DIAPH2: variants seen among roughly 807,000 people sequenced by gnomAD.
DIAPH2 encodes the protein diaphanous related formin 2.
DIAPH2 carries 35 observed loss-of-function variants against 92.7 expected under a neutral mutation model. The observed-to-expected ratio is 0.38, with a 90% CI of 0.29 to 0.50. The LOEUF (loss-of-function observed/expected upper bound fraction) is 0.50, where lower values mean the gene tolerates loss of function less well. DIAPH2 is among the 20% of genes least tolerant of loss of function. The pLI is 0.94. For synonymous variants in DIAPH2, 301 were observed against 280.4 expected (o/e 1.07, Z -0.73); for missense variants, 701 against 819.5 (o/e 0.86, Z 1.77).
chrX:97,282,530 C>G (rs1188321105), intron 23 of DIAPH2, among the ~76,000 whole-genome samples: 1 of 111,133 alleles, frequency 9.0e-6, no homozygotes, highest in Admixed American at 9.6e-5. Context: ...AGGCTGGTCT[C>G]GAACCCCTGA....
At chrX:96,980,310 T>C (rs1421485105) in intron 17 of DIAPH2, among the ~76,000 whole-genome samples, 2 of 110,954 alleles carry the variant, frequency 1.8e-5, no homozygotes, top group Non-Finnish European at 3.8e-5. Context: ...CAGGAAGGTA[T>C]TTGTCCCCTG....
At chrX:97,031,275 C>A (rs904223221) in intron 17 of DIAPH2, among the ~76,000 whole-genome samples, 3 of 90,033 alleles carry the variant, frequency 3.3e-5, no homozygotes, top group African/African-American at 4.5e-5. Context: ...GTCTCCATAA[C>A]TAGTTTTCAT....
intron 25 of DIAPH2, among the ~76,000 whole-genome samples, chrX:97,399,411 A>G (rs2069734158): frequency 9.0e-6 from 1 of 111,690 alleles, no homozygotes; most frequent in Admixed American, 9.4e-5. Flanking sequence ...ATCCTCTTTT[A>G]TGTTGGTTTG....
intron 21 of DIAPH2, among the ~76,000 whole-genome samples, chrX:97,125,027 A>G (rs754300676): frequency 1.8e-5 from 2 of 111,737 alleles, no homozygotes; most frequent in South Asian, 7.5e-4. Flanking sequence ...ACAGGGAGAT[A>G]GACAGAGACA....
intron 8 of DIAPH2, among the ~76,000 whole-genome samples, chrX:96,918,285 G>C (rs554803370): frequency 1.8e-5 from 2 of 111,153 alleles, no homozygotes; most frequent in Non-Finnish European, 1.9e-5. Flanking sequence ...GTAAGTAGGC[G>C]AGGCAATATA....
In DIAPH2 at chrX:97,488,824, A is replaced by C. The variant is rs757946745; in HGVS notation, c.3241+59079A>C. ...TGGTCTACATGTCTGTTTTTATGTCAGTCCCATATTTTTTAAATTGCTGAA... is the reference window on the plus strand; with the variant it reads ...TGGTCTACATGTCTGTTTTTATGTCCGTCCCATATTTTTTAAATTGCTGAA... On this transcript the variant is annotated intron_variant, in intron 26 of 26. Transcript: ENST00000324765. Among the ~76,000 whole-genome samples, 3 of 111,901 alleles carry C rather than the reference A, an allele frequency of 2.7e-5. No individual in the cohort carries two copies. The South Asian group carries it at 1.1e-3, about 42-fold the overall frequency.
At chrX:97,495,757 T>C (rs746272905) in intron 26 of DIAPH2, among the ~76,000 whole-genome samples, 2 of 112,077 alleles carry the variant, frequency 1.8e-5, no homozygotes, top group South Asian at 3.7e-4. Context: ...TATTACATAT[T>C]AAATATACAG....
rs778421762 is a variant in DIAPH2 at position 96,904,366 on chromosome X, AATC to A, written c.588-7961_588-7959del. 1.3e-3 allele frequency among the ~76,000 whole-genome samples: 142 copies of A among 112,066 alleles called. 1 individual carries two copies. The highest frequency in any genetic ancestry group is 4.2e-3 in the African/African-American group (129 of 30,939). ...ATTGGTCAGAGATATCTCATGGATT[AATC>A]TACTATGATGAATAGTTTCCAAGGA... On this transcript the variant is annotated intron_variant, in intron 5 of 26. Coordinates refer to ENST00000324765, the MANE Select transcript of DIAPH2 (RefSeq NM_006729.5).
Position 96,945,550 on chromosome X carries a change from G to A in DIAPH2, c.1468G>A (p.Val490Ile). 3 of 1,157,146 alleles carry A rather than the reference G, an allele frequency of 2.6e-6. No individual in the cohort carries two copies. Among genetic ancestry groups the A allele is most frequent in the Non-Finnish European group, 3.4e-6 (3 of 875,466 alleles). Residue 490 changes from valine to isoleucine, a missense_variant, in exon 14 of 27, where the codon GTT becomes ATT. Transcript: ENST00000324765. Reference sequence around the variant, plus strand: ...AGATTCTTGTGTGAACAAGGCGAAAGTTGAAGAAAGTGAACAAAAAGCTGC... The same window carrying A: ...AGATTCTTGTGTGAACAAGGCGAAAATTGAAGAAAGTGAACAAAAAGCTGC... ...LIDSCVNKAK[V>I]EESEQKAAEF...
In DIAPH2 at chrX:96,871,469, C is replaced by CAAAAAAA. The variant is rs34852539; in HGVS notation, c.448-10091_448-10085dup. 4.9e-4 allele frequency among the ~76,000 whole-genome samples: 14 copies of CAAAAAAA among 28,820 alleles called. 1 individual carries two copies. Among genetic ancestry groups the CAAAAAAA allele is most frequent in the African/African-American group, 1.7e-3 (12 of 7,092 alleles). The allele number at this position is 28,820 out of a possible 115,157, so 25.0% of individuals were successfully genotyped here. On this transcript the variant is annotated intron_variant, in intron 4 of 26. Coordinates refer to ENST00000324765, the MANE Select transcript of DIAPH2 (RefSeq NM_006729.5). ...TGGGCGACAGAGCGAGACTCCGTCT[C>CAAAAAAA]AAAAAAAAAAAAAAAAAAAAAAAAA...
At chrX:97,093,444 C>T (rs914154924) in intron 19 of DIAPH2, among the ~76,000 whole-genome samples, 2 of 111,504 alleles carry the variant, frequency 1.8e-5, no homozygotes, top group Admixed American at 1.9e-4. Context: ...TACCCACCCG[C>T]GTCTGCCTAA....
intron 13 of DIAPH2, among the ~76,000 whole-genome samples, chrX:96,943,379 G>A (rs1003435364): frequency 5.4e-5 from 6 of 111,195 alleles, no homozygotes; most frequent in African/African-American, 2.0e-4. Context: ...TTCTGTAAGT[G>A]AGGGTATGAA....
intron 4 of DIAPH2, among the ~76,000 whole-genome samples, chrX:96,856,444 T>G (rs1340446311): frequency 2.7e-5 from 3 of 109,807 alleles, no homozygotes; most frequent in Non-Finnish European, 3.8e-5. Flanking sequence ...CAAGGTTTTT[T>G]TTTTTTTTTT....
At chrX:97,214,072 A>G (rs1334938722) in intron 22 of DIAPH2, among the ~76,000 whole-genome samples, 1 of 111,646 alleles carries the variant, frequency 9.0e-6, no homozygotes, top group African/African-American at 3.3e-5. Flanking sequence ...GGAGTAATGA[A>G]AGGACCCTAA....
chrX:97,414,648 T>C (rs1368481651), intron 25 of DIAPH2, among the ~76,000 whole-genome samples: 1 of 94,680 alleles, frequency 1.1e-5, no homozygotes, highest in Non-Finnish European at 2.1e-5. Context: ...AGCAAGACTC[T>C]GTCTCAAAAA....
At chrX:96,868,118 T>G (rs1300888497) in intron 4 of DIAPH2, among the ~76,000 whole-genome samples, 3 of 112,288 alleles carry the variant, frequency 2.7e-5, no homozygotes, top group African/African-American at 9.7e-5. Flanking sequence ...ACTAGTGTTC[T>G]CTGATCTATG....
intron 26 of DIAPH2, among the ~76,000 whole-genome samples, chrX:97,584,647 A>T (rs1772026852): frequency 9.0e-6 from 1 of 111,514 alleles, no homozygotes; most frequent in South Asian, 3.8e-4. Flanking sequence ...ATACCAAATG[A>T]AAATTTTGGT....
chrX:97,059,371 T>A (rs1407603454), intron 17 of DIAPH2, among the ~76,000 whole-genome samples: 1 of 111,829 alleles, frequency 8.9e-6, no homozygotes, highest in Non-Finnish European at 1.9e-5. Context: ...ATAGTGCACC[T>A]GGTATCAGAT....
At chrX:96,715,574 C>T (rs1265723806) in intron 1 of DIAPH2, among the ~76,000 whole-genome samples, 2 of 111,803 alleles carry the variant, frequency 1.8e-5, no homozygotes, top group Non-Finnish European at 3.8e-5. Flanking sequence ...GATTTATTCT[C>T]TTTCACCATT....
Sources: gnomAD v4.1 joint callset for allele counts (sites outside exome capture counted in the v4.1 genomes callset) on GRCh38, gnomAD v4.1.1 for gene constraint, MANE v1.5 for transcripts, NCBI Gene and HGNC (gene_info 2026-07-23, HGNC 2026-07-21) for gene names.